DISC1: variants seen among roughly 807,000 people sequenced by gnomAD.
DISC1 encodes the protein disrupted in schizophrenia 1 protein.
A neutral mutation model predicts 84.5 loss-of-function variants in DISC1; 57 were observed. That is an observed-to-expected ratio of 0.67 (90% CI 0.55 to 0.84). The LOEUF (loss-of-function observed/expected upper bound fraction) is 0.84, where lower values mean the gene tolerates loss of function less well. Among genes scored for constraint, DISC1 ranks in the 40% least tolerant of loss-of-function variants. The probability of loss-of-function intolerance (pLI) is 0.00; values close to 1 mark genes in which losing one functional copy is unlikely to be tolerated. For missense variants in DISC1, 1,000 were observed against 1,057.8 expected, an observed-to-expected ratio of 0.95 and a Z score of 0.76; for synonymous variants, 411 against 415.2, an observed-to-expected ratio of 0.99 and a Z score of 0.12.
At chr1:231,648,718 A>C (rs2060355958) in intron 1 of DISC1, among the ~76,000 whole-genome samples, 3 of 152,212 alleles carry the variant, frequency 2.0e-5, no homozygotes, top group African/African-American at 7.2e-5. Flanking sequence ...GCTATTAATT[A>C]TTGCCTCAAT....
At chr1:231,669,718 G>T (rs1398770103) in intron 1 of DISC1, among the ~76,000 whole-genome samples, 2 of 151,520 alleles carry the variant, frequency 1.3e-5, no homozygotes, top group Non-Finnish European at 2.9e-5. Flanking sequence ...AAAAGTAAAA[G>T]AATAACAGAT....
chr1:232,027,041 G>A (rs558624104), intron 12 of DISC1, among the ~76,000 whole-genome samples: 107 of 152,184 alleles, frequency 7.0e-4, no homozygotes, highest in Non-Finnish European at 1.3e-3. Flanking sequence ...TTGGGCCACC[G>A]CATCCGGCCG....
In DISC1 at chr1:232,009,141, A is replaced by G. The variant is rs821617; in HGVS notation, c.2307+92A>G. On this transcript the variant is annotated intron_variant, in intron 11 of 12. Transcript: ENST00000439617. This position sits in a 1 kb window ranked among gnomAD's most constrained non-coding sequence, Gnocchi z 4.6. Reference sequence around the variant, plus strand: ...CAAATGGGAACAATAAATATTGGGAAGGCTTCCCATTGAGCATATAAACTT... The same window carrying G: ...CAAATGGGAACAATAAATATTGGGAGGGCTTCCCATTGAGCATATAAACTT... 437,614 of 1,575,808 alleles carry G rather than the reference A, an allele frequency of 0.28. 62,744 individuals are homozygous for G. Among genetic ancestry groups the G allele is most frequent in the African/African-American group, 0.34 (24,969 of 74,252 alleles).
chr1:231,779,707 C>T (rs1022937302), intron 6 of DISC1, among the ~76,000 whole-genome samples: 4 of 150,900 alleles, frequency 2.7e-5, no homozygotes, highest in Non-Finnish European at 4.4e-5. Context: ...CTACAGGCAC[C>T]GGCCACCACG....
intron 10 of DISC1, among the ~76,000 whole-genome samples, chr1:231,963,379 C>T (rs1382313189): frequency 6.6e-6 from 1 of 152,084 alleles, no homozygotes; most frequent in Non-Finnish European, 1.5e-5. Context: ...AGAAAAATGA[C>T]AATTTCATAT....
chr1:232,025,277 A>G (rs1669337947), intron 11 of DISC1, among the ~76,000 whole-genome samples: 1 of 152,206 alleles, frequency 6.6e-6, no homozygotes, highest in African/African-American at 2.4e-5. Context: ...AGAGAGGGCA[A>G]CGGGGTTAGT....
At chr1:231,873,199 C>T (rs1326621813) in intron 9 of DISC1, among the ~76,000 whole-genome samples, 1 of 152,224 alleles carries the variant, frequency 6.6e-6, no homozygotes, top group Non-Finnish European at 1.5e-5. Context: ...TTGGGAAGAA[C>T]AAACCCATTA....
chr1:231,824,042 A>T (rs2081682274), intron 9 of DISC1, among the ~76,000 whole-genome samples: 1 of 152,182 alleles, frequency 6.6e-6, no homozygotes, highest in Non-Finnish European at 1.5e-5. Context: ...TTCTGACATT[A>T]TTTCAAGATG....
chr1:231,929,092 G>A (rs989159545), intron 9 of DISC1, among the ~76,000 whole-genome samples: 1 of 152,140 alleles, frequency 6.6e-6, no homozygotes, highest in East Asian at 1.9e-4. Context: ...CCAGAGCTGA[G>A]TTGAAGTCCT....
chr1:231,636,415 G>A (rs1572356793), intron 1 of DISC1, among the ~76,000 whole-genome samples: 1 of 152,046 alleles, frequency 6.6e-6, no homozygotes, highest in African/African-American at 2.4e-5. Context: ...TCGGCCTTGG[G>A]GACAGGAGGA....
At chr1:231,804,460 C>G (rs2079547928) in intron 8 of DISC1, among the ~76,000 whole-genome samples, 1 of 140,106 alleles carries the variant, frequency 7.1e-6, no homozygotes, top group African/African-American at 2.6e-5. Flanking sequence ...ATCCCCCTTC[C>G]TTTTTTTTTT....
At chr1:231,700,819 G>A (rs2066322555) in intron 2 of DISC1, among the ~76,000 whole-genome samples, 1 of 152,182 alleles carries the variant, frequency 6.6e-6, no homozygotes, top group Non-Finnish European at 1.5e-5. Flanking sequence ...AGGTATAGAG[G>A]AGGGACATTT....
chr1:231,690,701 T>A (rs2064894904), intron 1 of DISC1, among the ~76,000 whole-genome samples: 1 of 152,180 alleles, frequency 6.6e-6, no homozygotes, highest in African/African-American at 2.4e-5. Flanking sequence ...AAAAATGGCC[T>A]TTCGTTATGG....
At position 231,771,036 on chromosome 1, in the gene DISC1, C is replaced by A; in HGVS notation, c.1600C>A (p.Pro534Thr). Reference sequence around the variant, plus strand: ...CACCCTGGCCTCAGCCGGTCAGATTCCCTTCCATGCAGAGCCACCGGAAAC... The same window carrying A: ...CACCCTGGCCTCAGCCGGTCAGATTACCTTCCATGCAGAGCCACCGGAAAC... ...QDTLASAGQIPFHAEPPETIR... is the reference protein window; with the variant it reads ...QDTLASAGQITFHAEPPETIR... Residue 534 changes from proline to threonine, a missense_variant, in exon 6 of 13, where the codon CCC (proline) becomes ACC (threonine). Transcript: ENST00000439617. The A allele has an allele frequency of 1.2e-6, 2 of 1,609,438 alleles. No homozygotes were observed. The highest frequency in any genetic ancestry group is 1.7e-6 in the Non-Finnish European group (2 of 1,177,650).
chr1:231,842,586 G>A (rs1480240103), intron 9 of DISC1, among the ~76,000 whole-genome samples: 1 of 152,166 alleles, frequency 6.6e-6, no homozygotes, highest in East Asian at 1.9e-4. Context: ...CTTCCTAAAT[G>A]AGGAAGCTGA....
chr1:231,810,735 A>G (rs2080216389), intron 8 of DISC1, among the ~76,000 whole-genome samples: 2 of 152,196 alleles, frequency 1.3e-5, no homozygotes, highest in Admixed American at 1.3e-4. Context: ...TCAGGGGACC[A>G]TATTTGGCTT....
chr1:231,840,461 C>T (rs1247202573), intron 9 of DISC1, among the ~76,000 whole-genome samples: 3 of 152,146 alleles, frequency 2.0e-5, no homozygotes, highest in Non-Finnish European at 4.4e-5. Context: ...TAGTGGAACA[C>T]GACTCAGTAA....
intron 10 of DISC1, among the ~76,000 whole-genome samples, chr1:231,975,295 A>G (rs1662635935): frequency 1.3e-5 from 2 of 152,230 alleles, no homozygotes; most frequent in Admixed American, 6.5e-5. Context: ...CAGAATGGCT[A>G]TTATCTAAAA....
chr1:231,907,820 A>G (rs2088855467), intron 9 of DISC1, among the ~76,000 whole-genome samples: 1 of 152,144 alleles, frequency 6.6e-6, no homozygotes, highest in Non-Finnish European at 1.5e-5. Flanking sequence ...ATTTCTCCAC[A>G]TCCTCTCCAG....
Sources: allele counts gnomAD v4.1 joint callset (sites outside exome capture counted in the v4.1 genomes callset), GRCh38; gene constraint gnomAD v4.1.1; non-coding constraint Gnocchi (gnomAD v3.1); transcripts MANE v1.5; gene names NCBI Gene and HGNC (gene_info 2026-07-23, HGNC 2026-07-21).